The following RCL1 variants were observed in gnomAD, a reference collection of about 807,000 sequenced individuals.
RCL1 encodes the protein RNA terminal phosphate cyclase like 1.
A neutral mutation model predicts 42.4 loss-of-function variants in RCL1; 24 were observed. The ratio of observed to expected loss-of-function variants is 0.57; its 90% confidence interval spans 0.41 to 0.80. The LOEUF is 0.80. RCL1 is among the 30% of genes least tolerant of loss of function. The pLI, the probability that RCL1 is intolerant of heterozygous loss-of-function variation, is 0.00. For missense variants in RCL1, 578 were observed against 467.9 expected, an observed-to-expected ratio of 1.24 and a Z score of -2.17; for synonymous variants, 228 against 177.3, an observed-to-expected ratio of 1.29 and a Z score of -2.27.
chr9:4,806,064 T>TGTG (rs1219639380), intron 1 of RCL1, among the ~76,000 whole-genome samples: 29,466 of 138,324 alleles, frequency 0.21, 3,237 homozygotes, highest in Admixed American at 0.28. Context: ...GTGTGTGTGT[T>TGTG]TGTGTGTGTA....
intron 8 of RCL1, among the ~76,000 whole-genome samples, chr9:4,857,118 A>T (rs988991058): frequency 1.3e-5 from 2 of 152,348 alleles, no homozygotes; most frequent in Middle Eastern, 3.4e-3. Flanking sequence ...ATATGACACA[A>T]TTTACCCATT....
At chr9:4,850,381 C>T (rs972585271) in intron 8 of RCL1, 1 of 529,748 alleles carries the variant, frequency 1.9e-6, no homozygotes, top group Non-Finnish European at 3.9e-6. Context: ...GTGGTGCCAT[C>T]ACATTGAGAA....
intron 1 of RCL1, among the ~76,000 whole-genome samples, chr9:4,821,210 G>A (rs1292498413): frequency 2.0e-5 from 3 of 152,116 alleles, no homozygotes; most frequent in Non-Finnish European, 4.4e-5. Context: ...ATCACTTGAG[G>A]CCAGGAGTTT....
intron 1 of RCL1, among the ~76,000 whole-genome samples, chr9:4,795,147 G>GGCTC (rs879646319): frequency 6.6e-6 from 1 of 151,750 alleles, no homozygotes; most frequent in Non-Finnish European, 1.5e-5. Flanking sequence ...GTGCGATCTC[G>GGCTC]GCTCACTGCA....
intron 1 of RCL1, among the ~76,000 whole-genome samples, chr9:4,805,498 A>G (rs1238916917): frequency 6.6e-6 from 1 of 152,060 alleles, no homozygotes; most frequent in Non-Finnish European, 1.5e-5. Context: ...AGTTGGAGAC[A>G]GCTTTAAAAA....
At chr9:4,843,940 T>A (rs1237244587) in intron 6 of RCL1, among the ~76,000 whole-genome samples, 2 of 152,160 alleles carry the variant, frequency 1.3e-5, no homozygotes, top group African/African-American at 4.8e-5. Flanking sequence ...CCCAGAACCT[T>A]TGATGAAATG....
intron 8 of RCL1, 43 bp from the exon 9 acceptor site, chr9:4,860,078 TTGAA>T: frequency 1.5e-6 from 2 of 1,359,650 alleles, no homozygotes; most frequent in African/African-American, 1.5e-5. Flanking sequence ...TAATTTTTTT[TTGAA>T]TGAATTTCTT....
intron 1 of RCL1, among the ~76,000 whole-genome samples, chr9:4,805,162 G>A (rs1157623060): frequency 6.6e-6 from 1 of 152,158 alleles, no homozygotes; most frequent in Non-Finnish European, 1.5e-5. Flanking sequence ...CCTCCAGCCT[G>A]GGCAATGTGG....
At chr9:4,811,781 T>A (rs1323674640) in intron 1 of RCL1, among the ~76,000 whole-genome samples, 2 of 152,230 alleles carry the variant, frequency 1.3e-5, no homozygotes, top group African/African-American at 4.8e-5. Context: ...CTGTACTGTT[T>A]CCCATAATGG....
rs577364889 is a variant in RCL1 at position 4,849,366 on chromosome 9, T to C, written c.868-81T>C. Reference sequence around the variant, plus strand: ...TTTGGATTTTGATATTATGAGTGTATGTTTCTGGTTTTTTTTTTCCTCCTC... The same window carrying C: ...TTTGGATTTTGATATTATGAGTGTACGTTTCTGGTTTTTTTTTTCCTCCTC... On this transcript the variant is annotated intron_variant, in intron 7 of 8. Coordinates refer to ENST00000381750, the MANE Select transcript of RCL1 (RefSeq NM_005772.5). The C allele has an allele frequency of 2.2e-5, 22 of 1,008,146 alleles. No homozygotes were observed. In the African/African-American group the frequency reaches 3.2e-4, roughly 15 times the overall value. The allele number at this position is 1,008,146 out of a possible 1,614,324, so 62.5% of individuals were successfully genotyped here.
chr9:4,857,931 C>CTTTTTTTTTTTTTTTTTTTTTTTTTTTT lies in RCL1; in HGVS notation c.972-2175_972-2174insTTTTTTTTTTTTTTTTTTTTTTTTTTTT, dbSNP rs34470773. 6.8e-5 allele frequency among the ~76,000 whole-genome samples: 7 copies of CTTTTTTTTTTTTTTTTTTTTTTTTTTTT among 103,034 alleles called. 1 individual carries two copies. The highest frequency in any genetic ancestry group is 1.2e-4 in the Admixed American group (1 of 8,364). 67.6% of individuals were successfully genotyped at this position (103,034 alleles called of 152,430 possible). On this transcript the variant is annotated intron_variant, in intron 8 of 8. Coordinates refer to ENST00000381750, the MANE Select transcript of RCL1 (RefSeq NM_005772.5). ...AGGAAATATCCGTTTAGCTCTCCCA[C>CTTTTTTTTTTTTTTTTTTTTTTTTTTTT]TTTTTTTTTTTTTTTTTTTCAGTGA...
At chr9:4,830,666 G>A (rs956359427) in intron 3 of RCL1, among the ~76,000 whole-genome samples, 14 of 152,148 alleles carry the variant, frequency 9.2e-5, no homozygotes, top group Admixed American at 7.2e-4. Context: ...TGTCTCCCAT[G>A]TACTGGGCAT....
In RCL1 at chr9:4,849,549, A is replaced by C; in HGVS notation, c.970A>C (p.Thr324Pro). The change falls in exon 8 of 9, where the codon ACG becomes CCG. Residue 324 changes from threonine to proline, a missense_variant and splice_region_variant. By Grantham distance (38) the Thr-to-Pro change is conservative (BLOSUM62 -1). Coordinates refer to ENST00000381750, the MANE Select transcript of RCL1 (RefSeq NM_005772.5). ...KVLLGPLSPY[T>P]IEFLRHLKSF... Reference sequence around the variant, plus strand: ...CCTGCTAGGCCCTCTCTCTCCCTACACGTAAGTTATTCTTTTTCAACCTCG... The same window carrying C: ...CCTGCTAGGCCCTCTCTCTCCCTACCCGTAAGTTATTCTTTTTCAACCTCG... 1.2e-6 allele frequency: 2 copies of C among 1,604,710 alleles called. No individual in the cohort carries two copies. The highest frequency in any genetic ancestry group is 1.3e-5 in the African/African-American group (1 of 74,786).
At chr9:4,817,355 TTA>T (rs1170964856) in intron 1 of RCL1, among the ~76,000 whole-genome samples, 2 of 152,056 alleles carry the variant, frequency 1.3e-5, no homozygotes, top group Admixed American at 1.3e-4. Context: ...TTTTAATTAA[TTA>T]TATGTTTTTT....
intron 1 of RCL1, among the ~76,000 whole-genome samples, chr9:4,819,929 G>C (rs1042037408): frequency 2.6e-5 from 4 of 152,112 alleles, no homozygotes; most frequent in Non-Finnish European, 4.4e-5. Context: ...AGATATAAAA[G>C]TAGTGCATAA....
chr9:4,838,399 A>G (rs146068062), intron 5 of RCL1, among the ~76,000 whole-genome samples: 11 of 152,326 alleles, frequency 7.2e-5, no homozygotes, highest in Non-Finnish European at 1.2e-4. Context: ...GGGGCGTAAG[A>G]GAAAGGAACA....
At chr9:4,818,842 AGCCTGG>A (rs1434214888) in intron 1 of RCL1, among the ~76,000 whole-genome samples, 2 of 150,008 alleles carry the variant, frequency 1.3e-5, no homozygotes, top group Admixed American at 6.7e-5. Flanking sequence ...AGTGCACTCC[AGCCTGG>A]GCAACGCAGC....
At chr9:4,817,693 G>C (rs1007447794) in intron 1 of RCL1, among the ~76,000 whole-genome samples, 1 of 151,692 alleles carries the variant, frequency 6.6e-6, no homozygotes, top group Non-Finnish European at 1.5e-5. Context: ...GTCAGGGTTT[G>C]GTCATGTTGC....
chr9:4,849,800 G>A (rs567094396), intron 8 of RCL1, among the ~76,000 whole-genome samples: 7 of 152,076 alleles, frequency 4.6e-5, no homozygotes, highest in Non-Finnish European at 1.0e-4. Flanking sequence ...TATTTTGTTC[G>A]TGCTTTAGAT....
Sources: gnomAD v4.1 joint callset for allele counts (sites outside exome capture counted in the v4.1 genomes callset) on GRCh38, gnomAD v4.1.1 for gene constraint, MANE v1.5 for transcripts, NCBI Gene and HGNC (gene_info 2026-07-23, HGNC 2026-07-21) for gene names.